BRINP3: variants seen among roughly 807,000 people sequenced by gnomAD.
BRINP3 encodes BMP/retinoic acid inducible neural specific 3, also known as BMP/retinoic acid-inducible neural-specific protein 3.
In BRINP3, 19 loss-of-function variants were observed where a neutral mutation model predicts 71.0. The ratio of observed to expected loss-of-function variants is 0.27; its 90% CI spans 0.19 to 0.39. BRINP3 has a LOEUF of 0.39. Among genes scored for constraint, BRINP3 ranks in the 10% least tolerant of loss-of-function variants. The pLI, the probability that BRINP3 is intolerant of heterozygous loss-of-function variation, is 1.00. For missense variants in BRINP3, 959 were observed against 940.8 expected (o/e 1.02, Z -0.25); for synonymous variants, 380 against 337.7 (o/e 1.13, Z -1.37).
intron 7 of BRINP3, among the ~76,000 whole-genome samples, chr1:190,141,248 A>T (rs1036984227): frequency 2.0e-5 from 3 of 152,014 alleles, no homozygotes; most frequent in African/African-American, 4.8e-5. Context: ...AGATATTAAT[A>T]TAATATATTT....
chr1:190,364,014 T>C (rs1365397487), intron 2 of BRINP3, among the ~76,000 whole-genome samples: 1 of 151,984 alleles, frequency 6.6e-6, no homozygotes, highest in Non-Finnish European at 1.5e-5. Flanking sequence ...ATATCCCAAA[T>C]ATTAGAGTAC....
Position 190,101,948 on chromosome 1 carries a change from G to A in BRINP3, c.1185-2814C>T, listed in dbSNP as rs575737017. Reference sequence around the variant, plus strand: ...ATACATTATGGAAGGAAAGCGTTTCGGCTGTTGGATTTCAGCTTCTTGGGT... The same window carrying A: ...ATACATTATGGAAGGAAAGCGTTTCAGCTGTTGGATTTCAGCTTCTTGGGT... On this transcript the variant is annotated intron_variant, in intron 7 of 7. Coordinates refer to ENST00000367462, the MANE Select transcript of BRINP3 (RefSeq NM_199051.3). Among the ~76,000 whole-genome samples the A allele has an allele frequency of 1.7e-3, 261 of 152,128 alleles. 2 individuals are homozygous for A. The highest frequency in any genetic ancestry group is 6.8e-3 in the South Asian group (33 of 4,818).
intron 2 of BRINP3, among the ~76,000 whole-genome samples, chr1:190,354,774 T>G (rs1268658344): frequency 2.0e-5 from 3 of 151,342 alleles, no homozygotes; most frequent in Non-Finnish European, 4.4e-5. Flanking sequence ...TCTAAGTGTT[T>G]TTTTTTTTTT....
intron 6 of BRINP3, among the ~76,000 whole-genome samples, chr1:190,182,667 G>C (rs1189576587): frequency 6.6e-6 from 1 of 152,036 alleles, no homozygotes; most frequent in Non-Finnish European, 1.5e-5. Flanking sequence ...TCCTTTGTTG[G>C]AAGATTTGAG....
intron 6 of BRINP3, among the ~76,000 whole-genome samples, chr1:190,177,427 C>T (rs1332953842): frequency 6.7e-6 from 1 of 150,232 alleles, no homozygotes; most frequent in South Asian, 2.1e-4. Context: ...ATCCACCCGC[C>T]TCGGCCTCCC....
intron 2 of BRINP3, among the ~76,000 whole-genome samples, chr1:190,404,593 T>C (rs1046414225): frequency 6.6e-6 from 1 of 152,192 alleles, no homozygotes; most frequent in Non-Finnish European, 1.5e-5. Context: ...GTTGATATCA[T>C]TACCTTACAT....
chr1:190,259,831 A>T (rs1286857331), intron 4 of BRINP3, among the ~76,000 whole-genome samples: 1 of 151,578 alleles, frequency 6.6e-6, no homozygotes, highest in African/African-American at 2.4e-5. Flanking sequence ...GGAGTTCAAG[A>T]CCAGCTTGAC....
chr1:190,320,985 A>G (rs1666201967), intron 2 of BRINP3, among the ~76,000 whole-genome samples: 1 of 152,130 alleles, frequency 6.6e-6, no homozygotes, highest in African/African-American at 2.4e-5. Context: ...ACACGTATGT[A>G]TATGTCTGTA....
In BRINP3 at chr1:190,412,044, C is replaced by T. The variant is rs556320340; in HGVS notation, c.236+42611G>A. 4.6e-5 allele frequency among the ~76,000 whole-genome samples: 7 copies of T among 152,190 alleles called. No individual in the cohort carries two copies. The East Asian group carries it at 9.7e-4, about 21-fold the overall frequency. Reference sequence around the variant, plus strand: ...TGTAACCTATGTTTGACATGCTTCTCCCATAGCCTACTTAAGCCATGAAAT... The same window carrying T: ...TGTAACCTATGTTTGACATGCTTCTTCCATAGCCTACTTAAGCCATGAAAT... On this transcript the variant is annotated intron_variant, in intron 2 of 7. Transcript: ENST00000367462.
At chr1:190,211,538 T>C (rs1655990449) in intron 6 of BRINP3, among the ~76,000 whole-genome samples, 1 of 152,108 alleles carries the variant, frequency 6.6e-6, no homozygotes, top group Non-Finnish European at 1.5e-5. Context: ...CAGGATATAA[T>C]ATGATAGGTA....
rs1222129309 is a variant in BRINP3, at chr1:190,277,087, T to TTATATATATATATATATATATATATA, written c.427+4447_427+4472dup. 8.4e-3 allele frequency among the ~76,000 whole-genome samples: 301 copies of TTATATATATATATATATATATATATA among 35,942 alleles called. 45 individuals carry two copies. Among genetic ancestry groups the TTATATATATATATATATATATATATA allele is most frequent in the Non-Finnish European group, 0.015 (218 of 14,972 alleles). The allele number at this position is 35,942 out of a possible 152,430, so 23.6% of individuals were successfully genotyped here. On this transcript the variant is annotated intron_variant, in intron 3 of 7. Coordinates refer to ENST00000367462, the MANE Select transcript of BRINP3 (RefSeq NM_199051.3). ...TTTGATCCTGAAATAAATTTTGGTTTTATATATATATATATATATATATAT... is the reference window on the plus strand; with the variant it reads ...TTTGATCCTGAAATAAATTTTGGTTTTATATATATATATATATATATATATATATATATATATATATATATATATAT...
At chr1:190,114,799 C>T (rs765085689) in intron 7 of BRINP3, among the ~76,000 whole-genome samples, 4 of 152,268 alleles carry the variant, frequency 2.6e-5, no homozygotes, top group African/African-American at 7.2e-5. Flanking sequence ...GGTCTCTTCA[C>T]TATTTTGAAT....
At chr1:190,125,203 A>G (rs1451531120) in intron 7 of BRINP3, among the ~76,000 whole-genome samples, 1 of 151,994 alleles carries the variant, frequency 6.6e-6, no homozygotes, top group African/African-American at 2.4e-5. Flanking sequence ...TTAAAAAATA[A>G]AACAGAGTAA....
intron 2 of BRINP3, among the ~76,000 whole-genome samples, chr1:190,399,184 AT>A (rs1481523024): frequency 6.6e-6 from 1 of 152,070 alleles, no homozygotes; most frequent in Non-Finnish European, 1.5e-5. Flanking sequence ...GTATAGGTGA[AT>A]AGAAATGTCA....
At chr1:190,148,473 G>A (rs1457148355) in intron 7 of BRINP3, among the ~76,000 whole-genome samples, 3 of 151,780 alleles carry the variant, frequency 2.0e-5, no homozygotes, top group Non-Finnish European at 2.9e-5. Flanking sequence ...GCGGGCGCCT[G>A]TAGTCCCAGC....
At chr1:190,222,282 A>G (rs1450674797) in intron 6 of BRINP3, among the ~76,000 whole-genome samples, 1 of 151,994 alleles carries the variant, frequency 6.6e-6, no homozygotes, top group Admixed American at 6.6e-5. Flanking sequence ...AAATACACAA[A>G]CACATAGAAA....
chr1:190,121,026 T>C (rs12140872), intron 7 of BRINP3, among the ~76,000 whole-genome samples: 3,048 of 152,244 alleles, frequency 0.02, 44 homozygotes, highest in Non-Finnish European at 0.033. Context: ...AAGATATCTT[T>C]TGGTATAGCA....
chr1:190,113,140 G>A (rs145075570), intron 7 of BRINP3, among the ~76,000 whole-genome samples: 1 of 151,882 alleles, frequency 6.6e-6, no homozygotes, highest in South Asian at 2.1e-4. Context: ...AATATTTTAA[G>A]ATAATAAAAA....
At chr1:190,294,291 C>A (rs1219030787) in intron 2 of BRINP3, among the ~76,000 whole-genome samples, 1 of 148,974 alleles carries the variant, frequency 6.7e-6, no homozygotes, top group Non-Finnish European at 1.5e-5. Flanking sequence ...CAGGGTCTCA[C>A]TCTGTTGCCT....
Sources: allele counts gnomAD v4.1 joint callset (sites outside exome capture counted in the v4.1 genomes callset), GRCh38; gene constraint gnomAD v4.1.1; transcripts MANE v1.5; gene names NCBI Gene and HGNC (gene_info 2026-07-23, HGNC 2026-07-21).